The following CTNND2 variants were observed in gnomAD, a reference collection of about 807,000 sequenced individuals.
CTNND2 encodes the protein catenin delta 2.
CTNND2 carries 22 observed loss-of-function variants against 144.4 expected under a neutral mutation model. That is an observed-to-expected ratio of 0.15 (90% CI 0.11 to 0.22). The LOEUF (loss-of-function observed/expected upper bound fraction) is 0.22. CTNND2 is among the 10% of genes least tolerant of loss of function. The pLI is 1.00. For synonymous variants in CTNND2, 751 were observed against 695.6 expected (o/e 1.08, Z -1.25); for missense variants, 1,353 against 1,618.8 (o/e 0.84, Z 2.82).
chr5:11,766,655 T>C (rs1170822694), intron 1 of CTNND2, among the ~76,000 whole-genome samples: 3 of 152,238 alleles, frequency 2.0e-5, no homozygotes, highest in African/African-American at 7.2e-5. Context: ...GAAAACTAAC[T>C]AATATAGGTG....
intron 3 of CTNND2, among the ~76,000 whole-genome samples, chr5:11,435,499 C>G (rs1321628298): frequency 1.3e-5 from 2 of 152,086 alleles, no homozygotes; most frequent in African/African-American, 4.8e-5. Context: ...AGCCCTAGGT[C>G]TCTACTGTAG....
chr5:11,324,950 C>CTT (rs11381791), intron 9 of CTNND2, among the ~76,000 whole-genome samples: 7,634 of 146,620 alleles, frequency 0.052, 240 homozygotes, highest in Non-Finnish European at 0.068. Context: ...ATGCATTATC[C>CTT]TTTTTTTTTT....
chr5:11,294,229 G>A lies in CTNND2; in HGVS notation c.1628+52143C>T, dbSNP rs569216093. Reference sequence around the variant, plus strand: ...TCCAATTAAGAATGTCCTTGATGTCGCAGTAAAAATGATTAATTTTATGAA... The same window carrying A: ...TCCAATTAAGAATGTCCTTGATGTCACAGTAAAAATGATTAATTTTATGAA... On this transcript the variant is annotated intron_variant, in intron 9 of 21. Transcript: ENST00000304623. 1.5e-3 allele frequency among the ~76,000 whole-genome samples: 220 copies of A among 150,356 alleles called. 1 individual carries two copies. Among genetic ancestry groups the A allele is most frequent in the African/African-American group, 3.8e-3 (157 of 41,030 alleles).
At chr5:11,796,294 T>C (rs1791398076) in intron 1 of CTNND2, among the ~76,000 whole-genome samples, 1 of 152,176 alleles carries the variant, frequency 6.6e-6, no homozygotes, top group Non-Finnish European at 1.5e-5. Context: ...TTCAGGGCTA[T>C]TCTTCCACGA....
intron 9 of CTNND2, among the ~76,000 whole-genome samples, chr5:11,250,520 T>TATATACATATA (rs1491283471): frequency 9.4e-3 from 52 of 5,518 alleles, no homozygotes; most frequent in African/African-American, 0.018. Context: ...TATACATATA[T>TATATACATATA]TTTTTTTTTT....
At chr5:11,309,064 G>C (rs1299195341) in intron 9 of CTNND2, among the ~76,000 whole-genome samples, 1 of 152,218 alleles carries the variant, frequency 6.6e-6, no homozygotes, top group African/African-American at 2.4e-5. Flanking sequence ...CCTCTCACCA[G>C]TCCTGTCTTC....
At chr5:11,319,436 A>G (rs1751818479) in intron 9 of CTNND2, among the ~76,000 whole-genome samples, 2 of 152,230 alleles carry the variant, frequency 1.3e-5, no homozygotes, top group African/African-American at 2.4e-5. Context: ...TCCTATTTAA[A>G]ATCATCCTGT....
chr5:11,376,061 A>G (rs1361693082), intron 7 of CTNND2, among the ~76,000 whole-genome samples: 1 of 152,136 alleles, frequency 6.6e-6, no homozygotes, highest in Non-Finnish European at 1.5e-5. Flanking sequence ...AGGTGAGGAC[A>G]CAGCAAGAAG....
At chr5:11,245,448 G>A (rs923357725) in intron 9 of CTNND2, among the ~76,000 whole-genome samples, 1 of 152,144 alleles carries the variant, frequency 6.6e-6, no homozygotes, top group Non-Finnish European at 1.5e-5. Flanking sequence ...GACGCAGAGG[G>A]AGACTGGACG....
chr5:11,053,929 G>A (rs1043184127), intron 16 of CTNND2, among the ~76,000 whole-genome samples: 1 of 152,228 alleles, frequency 6.6e-6, no homozygotes, highest in Non-Finnish European at 1.5e-5. Flanking sequence ...TTGTTGAAAG[G>A]AGTAAGTTGC....
chr5:11,419,468 C>T (rs1285260152), intron 3 of CTNND2, among the ~76,000 whole-genome samples: 1 of 152,120 alleles, frequency 6.6e-6, no homozygotes, highest in African/African-American at 2.4e-5. Flanking sequence ...ATAGTGGCAA[C>T]AACTGTTTAG....
chr5:10,980,958 G>C (rs1020521988), intron 21 of CTNND2, among the ~76,000 whole-genome samples: 10 of 151,756 alleles, frequency 6.6e-5, no homozygotes, highest in Non-Finnish European at 1.5e-4. Context: ...CGGGTTGATG[G>C]GTGCAGAAAA....
intron 1 of CTNND2, among the ~76,000 whole-genome samples, chr5:11,754,662 G>T (rs1297118451): frequency 6.6e-6 from 1 of 151,762 alleles, no homozygotes; most frequent in Non-Finnish European, 1.5e-5. Flanking sequence ...TATACATACA[G>T]GATAGCTATG....
At chr5:11,204,832 T>A (rs772812552) in intron 10 of CTNND2, among the ~76,000 whole-genome samples, 2 of 152,212 alleles carry the variant, frequency 1.3e-5, no homozygotes, top group African/African-American at 2.4e-5. Context: ...AAAAATACTA[T>A]GACAAGTTGC....
chr5:11,250,096 C>A (rs954011477), intron 9 of CTNND2, among the ~76,000 whole-genome samples: 7 of 152,086 alleles, frequency 4.6e-5, no homozygotes, highest in African/African-American at 1.4e-4. Context: ...ACCTCCATTT[C>A]CAGAGTCTGC....
chr5:11,117,920 T>C (rs1255628293), intron 12 of CTNND2, among the ~76,000 whole-genome samples: 2 of 152,156 alleles, frequency 1.3e-5, no homozygotes, highest in African/African-American at 4.8e-5. Context: ...CTTTGAGAGG[T>C]CCGAAACACT....
At chr5:11,385,301 G>T in intron 6 of CTNND2, 72 bp from the exon 7 acceptor site, 1 of 998,088 alleles carries the variant, frequency 1.0e-6, no homozygotes, top group Non-Finnish European at 1.2e-6. Flanking sequence ...GCCCAGCCCG[G>T]CCCCGAGAGC....
intron 9 of CTNND2, among the ~76,000 whole-genome samples, chr5:11,248,939 C>T (rs1324023151): frequency 6.6e-6 from 1 of 152,186 alleles, no homozygotes; most frequent in Admixed American, 6.5e-5. Flanking sequence ...TAATTTATCT[C>T]AGATAATATT....
chr5:11,034,567 A>G (rs1743858287), intron 16 of CTNND2, among the ~76,000 whole-genome samples: 1 of 152,242 alleles, frequency 6.6e-6, no homozygotes, highest in Non-Finnish European at 1.5e-5. Context: ...CATGAAATAC[A>G]AAAACAATAT....
Sources: allele counts gnomAD v4.1 joint callset (sites outside exome capture counted in the v4.1 genomes callset), GRCh38; gene constraint gnomAD v4.1.1; transcripts MANE v1.5; gene names NCBI Gene and HGNC (gene_info 2026-07-23, HGNC 2026-07-21).